CHLSN: variants seen among roughly 807,000 people sequenced by gnomAD.
CHLSN encodes the protein cholesin.
At chr7:1,106,887 C>T in the CHLSN span, among the ~76,000 whole-genome samples, 1 of 152,198 alleles carries the variant, frequency 6.6e-6, no homozygotes, top group African/African-American at 2.4e-5. Context: ...GAAGCCAAAC[C>T]GTGGTGCAGA....
chr7:1,046,943 G>A, the CHLSN span, among the ~76,000 whole-genome samples: 3 of 152,220 alleles, frequency 2.0e-5, no homozygotes, highest in East Asian at 1.9e-4. Context: ...TTAAGGCCAC[G>A]CCTAGTAAAC....
At chr7:1,070,226 G>A in the CHLSN span, among the ~76,000 whole-genome samples, 5 of 140,086 alleles carry the variant, frequency 3.6e-5, no homozygotes, top group Middle Eastern at 4.2e-3. Flanking sequence ...GAGCGTCTCC[G>A]CCCGGCAGCC....
chr7:1,085,989 C>T, the CHLSN span, among the ~76,000 whole-genome samples: 1 of 152,246 alleles, frequency 6.6e-6, no homozygotes, highest in Non-Finnish European at 1.5e-5. Context: ...AGTAGCTGTA[C>T]AGTACAAGTT....
At chr7:1,014,824 CG>C in the CHLSN span, among the ~76,000 whole-genome samples, 1 of 132,176 alleles carries the variant, frequency 7.6e-6, no homozygotes, top group Admixed American at 7.3e-5. Context: ...GGCAGCGTTC[CG>C]GTTGGTGTCA....
the CHLSN span, among the ~76,000 whole-genome samples, chr7:1,037,796 G>A: frequency 0.12 from 6,517 of 54,656 alleles, 531 homozygotes; most frequent in Middle Eastern, 0.17. Flanking sequence ...CATCTAGGAA[G>A]TGAGGAGCGC....
the CHLSN span, among the ~76,000 whole-genome samples, chr7:990,891 C>A: frequency 8.0e-3 from 1,215 of 151,814 alleles, 12 homozygotes; most frequent in African/African-American, 0.028. Flanking sequence ...AGGGCAGGGG[C>A]TGTGGAAAAT....
the CHLSN span, among the ~76,000 whole-genome samples, chr7:1,112,603 C>T: frequency 1.3e-5 from 2 of 151,696 alleles, no homozygotes; most frequent in Non-Finnish European, 2.9e-5. Flanking sequence ...GCACATATCA[C>T]GAGCCTTGGA....
At chr7:1,092,875 G>A in the CHLSN span, 1 of 1,606,148 alleles carries the variant, frequency 6.2e-7, no homozygotes, top group Non-Finnish European at 8.5e-7. Flanking sequence ...GGCCGCATAG[G>A]CCCAGCCAGG....
chr7:1,109,034 C>T, the CHLSN span, among the ~76,000 whole-genome samples: 3 of 151,906 alleles, frequency 2.0e-5, no homozygotes, highest in Non-Finnish European at 4.4e-5. Context: ...TAGCTGGGAT[C>T]ACAGGCGCCC....
chr7:1,002,806 GTGGGTGGGGAGT>G, the CHLSN span, among the ~76,000 whole-genome samples: 1 of 83,148 alleles, frequency 1.2e-5, no homozygotes, highest in Non-Finnish European at 2.5e-5. Context: ...GTGGAGTCCT[GTGGGTGGGGAGT>G]CCTGTGGGTG....
chr7:1,021,136 A>G, the CHLSN span, among the ~76,000 whole-genome samples: 1 of 150,666 alleles, frequency 6.6e-6, no homozygotes, highest in Non-Finnish European at 1.5e-5. Context: ...TCCAGGCTGG[A>G]GACATTCCAG....
At chr7:1,094,249 C>T in the CHLSN span, among the ~76,000 whole-genome samples, 2 of 152,230 alleles carry the variant, frequency 1.3e-5, no homozygotes, top group African/African-American at 4.8e-5. Flanking sequence ...CCTTTCCCGC[C>T]TCACCCACCT....
the CHLSN span, among the ~76,000 whole-genome samples, chr7:980,909 G>C: frequency 2.0e-5 from 3 of 151,774 alleles, no homozygotes; most frequent in East Asian, 2.0e-4. Flanking sequence ...GGATGGTCTC[G>C]ATCTCCATCT....
the CHLSN span, among the ~76,000 whole-genome samples, chr7:1,118,916 C>T: frequency 6.7e-6 from 1 of 149,760 alleles, no homozygotes; most frequent in Admixed American, 6.7e-5. Context: ...AAATAAATTA[C>T]GGTATAACAA....
the CHLSN span, among the ~76,000 whole-genome samples, chr7:1,007,278 G>A: frequency 2.0e-5 from 3 of 152,218 alleles, no homozygotes; most frequent in Non-Finnish European, 1.5e-5. Context: ...CATGGGCCAC[G>A]GCGGCCAGCA....
At chr7:994,106 T>C in the CHLSN span, among the ~76,000 whole-genome samples, 1 of 152,182 alleles carries the variant, frequency 6.6e-6, no homozygotes, top group Non-Finnish European at 1.5e-5. Flanking sequence ...GCAATGTGAT[T>C]CTGACTTCCA....
At chr7:1,032,195 C>T in the CHLSN span, among the ~76,000 whole-genome samples, 1 of 152,188 alleles carries the variant, frequency 6.6e-6, no homozygotes, top group East Asian at 1.9e-4. Flanking sequence ...TGCTCCCGGC[C>T]CACGGGGCTG....
chr7:1,123,736 C>G, the CHLSN span, among the ~76,000 whole-genome samples: 1 of 152,274 alleles, frequency 6.6e-6, no homozygotes, highest in South Asian at 2.1e-4. This position sits in a 1 kb window ranked among gnomAD's most constrained non-coding sequence, Gnocchi z 4.4. Flanking sequence ...CCCCCACACT[C>G]CATCTGAAAA....
chr7:1,020,158 C>T, the CHLSN span, among the ~76,000 whole-genome samples: 13 of 152,218 alleles, frequency 8.5e-5, no homozygotes, highest in Non-Finnish European at 1.5e-4. Context: ...CGGCAGGCCC[C>T]GCGTGCGATG....
Sources: allele counts gnomAD v4.1 joint callset (sites outside exome capture counted in the v4.1 genomes callset), GRCh38; gene constraint gnomAD v4.1.1; non-coding constraint Gnocchi (gnomAD v3.1); transcripts MANE v1.5; gene names NCBI Gene and HGNC (gene_info 2026-07-23, HGNC 2026-07-21).